The following DDR2 variants were observed in gnomAD, a reference collection of about 807,000 sequenced individuals.
The protein encoded by DDR2 is discoidin domain-containing receptor 2.
Under a neutral mutation model 94.9 loss-of-function variants are expected in DDR2, and 27 were observed. The ratio of observed to expected loss-of-function variants is 0.28; its 90% CI spans 0.21 to 0.39. The LOEUF is 0.39. DDR2 is among the 10% of genes least tolerant of loss of function. The pLI is 1.00. For missense variants in DDR2, 783 were observed against 1,076.0 expected, an observed-to-expected ratio of 0.73 and a Z score of 3.81; for synonymous variants, 382 against 377.2, an observed-to-expected ratio of 1.01 and a Z score of -0.15.
chr1:162,675,113 T>C (rs4657223), intron 2 of DDR2, among the ~76,000 whole-genome samples: 150,431 of 151,944 alleles, frequency 0.99, 74,481 homozygotes, highest in East Asian at 1. Flanking sequence ...GTCAAGATCA[T>C]GCTATTGCGT....
At chr1:162,744,806 T>A (rs1004194503) in intron 3 of DDR2, among the ~76,000 whole-genome samples, 1 of 152,208 alleles carries the variant, frequency 6.6e-6, no homozygotes, top group African/African-American at 2.4e-5. Context: ...GGTGCTGCAA[T>A]GAACATGGAA....
intron 1 of DDR2, among the ~76,000 whole-genome samples, chr1:162,644,941 A>G (rs1244293773): frequency 6.6e-6 from 1 of 152,190 alleles, no homozygotes; most frequent in Non-Finnish European, 1.5e-5. Context: ...TTAAGTGTAG[A>G]GTAAATGGTG....
In DDR2 at chr1:162,688,183, C is replaced by G. The variant is rs138093246; in HGVS notation, c.-27-30854C>G. ...AATGTAGCAAGTGAGACTGACATGT[C>G]TCCAGTACAAGCACAGCACGTACAA... On this transcript the variant is annotated intron_variant, in intron 2 of 17. Transcript: ENST00000367921. Among the ~76,000 whole-genome samples, 20 of 152,344 alleles carry G rather than the reference C, an allele frequency of 1.3e-4. No homozygotes were observed. The East Asian group carries it at 3.9e-3, about 29-fold the overall frequency.
chr1:162,774,147 G>A (rs1004332835), intron 14 of DDR2, among the ~76,000 whole-genome samples: 7 of 152,298 alleles, frequency 4.6e-5, no homozygotes, highest in African/African-American at 1.2e-4. Flanking sequence ...TTCTCTAGCA[G>A]TTTTCCAAAC....
At chr1:162,684,079 C>T (rs146958365) in intron 2 of DDR2, among the ~76,000 whole-genome samples, 2 of 152,174 alleles carry the variant, frequency 1.3e-5, no homozygotes, top group African/African-American at 4.8e-5. Context: ...AGAAATAGAC[C>T]CACACAAATA....
chr1:162,678,862 C>T (rs1049672791), intron 2 of DDR2, among the ~76,000 whole-genome samples: 1 of 152,122 alleles, frequency 6.6e-6, no homozygotes, highest in Admixed American at 6.5e-5. Context: ...GTCCTGGAGA[C>T]CTGCACATCA....
At chr1:162,649,710 A>C (rs940614173) in intron 1 of DDR2, among the ~76,000 whole-genome samples, 1 of 152,220 alleles carries the variant, frequency 6.6e-6, no homozygotes, top group African/African-American at 2.4e-5. Context: ...GTTGGGCACA[A>C]TTACAGTGCT....
chr1:162,744,198 A>C (rs1662742105), intron 3 of DDR2, among the ~76,000 whole-genome samples: 1 of 152,218 alleles, frequency 6.6e-6, no homozygotes, highest in South Asian at 2.1e-4. Context: ...CAAGTTTTTA[A>C]GTGTAATATA....
intron 1 of DDR2, among the ~76,000 whole-genome samples, chr1:162,647,653 A>G (rs1356318359): frequency 6.6e-6 from 1 of 152,184 alleles, no homozygotes; most frequent in Non-Finnish European, 1.5e-5. Flanking sequence ...GGAACTGAGG[A>G]TCCCTACCCT....
chr1:162,637,582 A>C (rs1281648237), intron 1 of DDR2, among the ~76,000 whole-genome samples: 1 of 152,108 alleles, frequency 6.6e-6, no homozygotes, highest in African/African-American at 2.4e-5. Context: ...ATAATAAATA[A>C]ATTTATTATT....
intron 2 of DDR2, among the ~76,000 whole-genome samples, chr1:162,670,741 T>C (rs770858057): frequency 9.2e-5 from 14 of 152,208 alleles, no homozygotes; most frequent in Non-Finnish European, 1.3e-4. Flanking sequence ...TTTAACCAAA[T>C]GCAAACCCCT....
chr1:162,674,121 G>T (rs1659015428), intron 2 of DDR2, among the ~76,000 whole-genome samples: 1 of 152,140 alleles, frequency 6.6e-6, no homozygotes, highest in African/African-American at 2.4e-5. Flanking sequence ...TCAAAGCTGG[G>T]TTTACTTTCC....
At chr1:162,635,414 C>A (rs1347502896) in intron 1 of DDR2, among the ~76,000 whole-genome samples, 3 of 152,178 alleles carry the variant, frequency 2.0e-5, no homozygotes, top group Non-Finnish European at 4.4e-5. Flanking sequence ...CTTCACATCA[C>A]CCTCACCTCA....
intron 3 of DDR2, among the ~76,000 whole-genome samples, chr1:162,730,780 AGCTCTTCAGAGG>A (rs1446583001): frequency 2.6e-5 from 4 of 152,182 alleles, no homozygotes; most frequent in African/African-American, 9.7e-5. Flanking sequence ...AAATCAGCTC[AGCTCTTCAGAGG>A]GCTTCTCCTT....
intron 3 of DDR2, among the ~76,000 whole-genome samples, chr1:162,749,232 A>G (rs1426868619): frequency 2.0e-5 from 3 of 152,172 alleles, no homozygotes; most frequent in Non-Finnish European, 4.4e-5. Flanking sequence ...TTTTTTGAAA[A>G]GATCAACAAA....
At chr1:162,771,797 A>G (rs1346641012) in intron 12 of DDR2, among the ~76,000 whole-genome samples, 5 of 152,226 alleles carry the variant, frequency 3.3e-5, no homozygotes, top group Non-Finnish European at 7.3e-5. Context: ...GAATTTGTTA[A>G]TGATCATGTA....
chr1:162,688,618 C>G (rs144805091), intron 2 of DDR2, among the ~76,000 whole-genome samples: 1 of 152,192 alleles, frequency 6.6e-6, no homozygotes. Flanking sequence ...TTATACATGT[C>G]TCTATTAAAA....
intron 2 of DDR2, among the ~76,000 whole-genome samples, chr1:162,694,470 C>A (rs1472860820): frequency 6.6e-6 from 1 of 152,146 alleles, no homozygotes; most frequent in East Asian, 1.9e-4. Context: ...TTTTGCACAT[C>A]CCTTAGATCT....
At chr1:162,774,715 G>A (rs1022126907) in intron 14 of DDR2, among the ~76,000 whole-genome samples, 5 of 152,144 alleles carry the variant, frequency 3.3e-5, no homozygotes, top group East Asian at 1.9e-4. Context: ...TGTTCCGATC[G>A]GTGAAGTTTG....
Sources: allele counts gnomAD v4.1 joint callset (sites outside exome capture counted in the v4.1 genomes callset), GRCh38; gene constraint gnomAD v4.1.1; transcripts MANE v1.5; gene names NCBI Gene and HGNC (gene_info 2026-07-23, HGNC 2026-07-21).